Variants in MROH2A observed in about 807,000 individuals in gnomAD.
MROH2A encodes the protein maestro heat like repeat family member 2A.
A neutral mutation model predicts 200.4 loss-of-function variants in MROH2A; 174 were observed. The ratio of observed to expected loss-of-function variants is 0.87; its 90% CI spans 0.77 to 0.98. The LOEUF is 0.98. Ranked by LOEUF, MROH2A falls within the 50% of genes least tolerant of loss-of-function variation. The pLI is 0.00. For missense variants in MROH2A, 2,045 were observed against 2,139.6 expected, an observed-to-expected ratio of 0.96 and a Z score of 0.87; for synonymous variants, 829 against 840.4, an observed-to-expected ratio of 0.99 and a Z score of 0.23.
intron 35 of MROH2A, among the ~76,000 whole-genome samples, chr2:233,824,874 G>T (rs967490556): frequency 2.0e-5 from 3 of 152,166 alleles, no homozygotes; most frequent in Non-Finnish European, 2.9e-5. Context: ...GTCAATGGTA[G>T]TTTAATGGGA....
chr2:233,810,921 G>A lies in MROH2A; in HGVS notation c.2571+5G>A. ...ACTCTTACCAGCATTATAGTGGTAAGCTGGGTGGGGCACCTCCTTGGTCCT... is the reference window on the plus strand; with the variant it reads ...ACTCTTACCAGCATTATAGTGGTAAACTGGGTGGGGCACCTCCTTGGTCCT... On this transcript the variant is annotated splice_donor_5th_base_variant and intron_variant, in intron 23 of 41. Transcript: ENST00000389758. 1 of 1,549,678 alleles carries A rather than the reference G, an allele frequency of 6.5e-7. No individual in the cohort carries two copies. The highest frequency in any genetic ancestry group is 8.7e-7 in the Non-Finnish European group (1 of 1,146,392).
At chr2:233,829,483 A>G (rs1273600630) in intron 37 of MROH2A, 137 bp from the exon 38 acceptor site, 2 of 846,846 alleles carry the variant, frequency 2.4e-6, no homozygotes, top group Non-Finnish European at 3.3e-6. Context: ...TCCCTGCCAA[A>G]GGAGAGACTA....
rs532553839 is a variant in MROH2A, at chr2:233,809,122, G to C, written c.2296-4G>C. ...AGTGGTTCTTTTTCTCTTTGGCCTC[G>C]TAGAAGGACCATCCCTGGAGGCGGG... On this transcript the variant is annotated splice_polypyrimidine_tract_variant and splice_region_variant and intron_variant, in intron 21 of 41. Transcript: ENST00000389758. 10 of 1,546,062 alleles carry C rather than the reference G, an allele frequency of 6.5e-6. No individual in the cohort carries two copies. Among genetic ancestry groups the C allele is most frequent in the Non-Finnish European group, 7.9e-6 (9 of 1,143,388 alleles).
chr2:233,830,417 G>A (rs1357066229), intron 38 of MROH2A, among the ~76,000 whole-genome samples: 1 of 152,208 alleles, frequency 6.6e-6, no homozygotes, highest in Non-Finnish European at 1.5e-5. Flanking sequence ...GGAGGTGGCT[G>A]ATTTGGGGAG....
intron 28 of MROH2A, among the ~76,000 whole-genome samples, 177 bp downstream of exon 28, chr2:233,818,302 T>C (rs1416040553): frequency 1.3e-5 from 2 of 152,262 alleles, no homozygotes; most frequent in African/African-American, 4.8e-5. Context: ...CAACAGGCCA[T>C]GGAAGCTTCC....
chr2:233,802,027 C>T (rs1702506344), intron 14 of MROH2A, 141 bp from the exon 15 acceptor site: 2 of 930,300 alleles, frequency 2.1e-6, no homozygotes, highest in Non-Finnish European at 3.1e-6. Context: ...GGCGGTGGAG[C>T]CAGTTCAGGG....
intron 31 of MROH2A, 38 bp from the exon 32 acceptor site, chr2:233,822,086 C>G: frequency 1.3e-6 from 2 of 1,529,766 alleles, no homozygotes; most frequent in Non-Finnish European, 1.8e-6. Flanking sequence ...GGGCACATGC[C>G]AGGAAACTCA....
In MROH2A at chr2:233,828,612, C is replaced by T. The variant is rs757918322; in HGVS notation, c.4114-18C>T. 6 of 1,549,224 alleles carry T rather than the reference C, an allele frequency of 3.9e-6. No individual in the cohort carries two copies. The highest frequency in any genetic ancestry group is 5.2e-6 in the Non-Finnish European group (6 of 1,145,898). The stretch of plus-strand genomic sequence containing the variant: ...TGAGCCCGCCCTGGGGATAACTGCC[C>T]AATGTCCTCCCTTCCAGTTCATGAG... On this transcript the variant is annotated intron_variant, in intron 35 of 41. Transcript: ENST00000389758. The surrounding 1 kb of genome is among the most constrained non-coding windows in gnomAD (Gnocchi z 4.6).
intron 1 of MROH2A, among the ~76,000 whole-genome samples, chr2:233,778,989 G>A (rs1700800218): frequency 6.6e-6 from 1 of 152,160 alleles, no homozygotes; most frequent in South Asian, 2.1e-4. Context: ...GTTTCTTATG[G>A]TTGTAGGACT....
At chr2:233,823,242 G>A (rs1704071934) in intron 34 of MROH2A, among the ~76,000 whole-genome samples, 1 of 152,236 alleles carries the variant, frequency 6.6e-6, no homozygotes, top group African/African-American at 2.4e-5. Context: ...GCAGAAAGAG[G>A]AGGGGCTCGC....
At chr2:233,812,050 T>G in intron 24 of MROH2A, 91 bp downstream of exon 24, 1 of 882,774 alleles carries the variant, frequency 1.1e-6, no homozygotes. Context: ...TGTGCCTCCT[T>G]TTTCCTCTCC....
At chr2:233,815,127 C>A (rs539791844) in intron 26 of MROH2A, among the ~76,000 whole-genome samples, 36 of 152,302 alleles carry the variant, frequency 2.4e-4, no homozygotes, top group South Asian at 1.9e-3. Context: ...GGATATAATC[C>A]AGATTAGGCA....
intron 26 of MROH2A, among the ~76,000 whole-genome samples, chr2:233,816,347 G>A (rs1206620124): frequency 2.0e-5 from 3 of 152,088 alleles, no homozygotes; most frequent in Non-Finnish European, 4.4e-5. Context: ...TTTGCTTCAT[G>A]TATTATTTAG....
chr2:233,800,076 C>G, intron 13 of MROH2A, 129 bp from the exon 14 acceptor site: 1 of 1,069,942 alleles, frequency 9.3e-7, no homozygotes, highest in Non-Finnish European at 1.4e-6. Flanking sequence ...TAGATATATG[C>G]ACAGCTCTGA....
chr2:233,810,656 G>A (rs1209815972), intron 22 of MROH2A, 138 bp from the exon 23 acceptor site: 1 of 1,118,880 alleles, frequency 8.9e-7, no homozygotes, highest in African/African-American at 1.6e-5. Flanking sequence ...GACAGAGTGA[G>A]GCTGGCCATC....
At position 233,800,156 on chromosome 2, in the gene MROH2A, C is replaced by T. The variant is rs775260813; in HGVS notation, c.1450-49C>T. 9.4e-6 allele frequency: 13 copies of T among 1,385,468 alleles called. No homozygotes were observed. In the African/African-American group the frequency reaches 1.7e-4, roughly 19 times the overall value. The allele number at this position is 1,385,468 out of a possible 1,614,324, so 85.8% of individuals were successfully genotyped here. A position where few individuals can be genotyped will look rare whatever the true frequency, so the allele number is the denominator to read the frequency against. On this transcript the variant is annotated intron_variant, in intron 13 of 41. Transcript: ENST00000389758. ...GAGGAGACCACACCTGAGACCACGA[C>T]AAACCTCTGCTAGGCCACAGGTGGG... is the stretch of plus-strand genomic sequence containing the variant.
intron 19 of MROH2A, among the ~76,000 whole-genome samples, chr2:233,805,430 CA>C (rs1702731234): frequency 6.6e-6 from 1 of 152,174 alleles, no homozygotes; most frequent in Non-Finnish European, 1.5e-5. Flanking sequence ...AAATAGAAAG[CA>C]CCCCATGTTC....
At chr2:233,785,120 T>G (rs571283133) in intron 3 of MROH2A, among the ~76,000 whole-genome samples, 41 of 150,932 alleles carry the variant, frequency 2.7e-4, no homozygotes, top group African/African-American at 9.5e-4. Context: ...CACTCCAGCC[T>G]GGATGAAAGA....
intron 19 of MROH2A, among the ~76,000 whole-genome samples, chr2:233,806,894 A>C (rs1460285416): frequency 6.6e-6 from 1 of 152,136 alleles, no homozygotes; most frequent in African/African-American, 2.4e-5. Context: ...CCCATCGCCC[A>C]AGCAGTATAC....
Sources: gnomAD v4.1 joint callset for allele counts (sites outside exome capture counted in the v4.1 genomes callset) on GRCh38, gnomAD v4.1.1 for gene constraint, Gnocchi (gnomAD v3.1) non-coding constraint, MANE v1.5 for transcripts, NCBI Gene and HGNC (gene_info 2026-07-23, HGNC 2026-07-21) for gene names.